CENPC: variants seen among roughly 807,000 people sequenced by gnomAD.
The protein encoded by CENPC is centromere protein C, also known as CENP-C 1.
Under a neutral mutation model 112.1 loss-of-function variants are expected in CENPC, and 63 were observed. The ratio of observed to expected loss-of-function variants is 0.56; its 90% CI spans 0.46 to 0.69. CENPC has a LOEUF of 0.69. CENPC is among the 30% of genes least tolerant of loss of function. CENPC has a pLI of 0.00. For missense variants in CENPC, 1,000 were observed against 1,103.8 expected, an observed-to-expected ratio of 0.91 and a Z score of 1.33; for synonymous variants, 333 against 367.6, an observed-to-expected ratio of 0.91 and a Z score of 1.08.
At chr4:67,507,065 T>A in intron 10 of CENPC, 131 bp from the exon 11 acceptor site, 1 of 593,196 alleles carries the variant, frequency 1.7e-6, no homozygotes, top group Non-Finnish European at 2.7e-6. Context: ...CCTGTTCAGG[T>A]TCTGAGACTT....
At chr4:67,523,000 CA>C (rs139759090) in intron 5 of CENPC, among the ~76,000 whole-genome samples, 76 of 135,852 alleles carry the variant, frequency 5.6e-4, no homozygotes, top group Non-Finnish European at 5.1e-4. Context: ...AATTCCATCT[CA>C]AAAAAAAAAA....
intron 11 of CENPC, 61 bp downstream of exon 11, chr4:67,506,727 T>A (rs1311016302): frequency 8.1e-7 from 1 of 1,231,480 alleles, no homozygotes; most frequent in Non-Finnish European, 1.1e-6. Context: ...TCTTGGGTAA[T>A]CTGTTATACA....
chr4:67,474,038 T>A (rs369841360), intron 18 of CENPC, among the ~76,000 whole-genome samples: 13 of 151,526 alleles, frequency 8.6e-5, no homozygotes, highest in African/African-American at 2.7e-4. Flanking sequence ...TCCTCTGTAA[T>A]ACAACATATC....
chr4:67,489,459 C>T (rs750321369), intron 17 of CENPC, among the ~76,000 whole-genome samples: 42 of 151,886 alleles, frequency 2.8e-4, no homozygotes, highest in Non-Finnish European at 4.6e-4. Context: ...TTTTTATAAT[C>T]TCACTCATTT....
chr4:67,473,992 T>C (rs1724738677), intron 18 of CENPC, among the ~76,000 whole-genome samples: 1 of 152,238 alleles, frequency 6.6e-6, no homozygotes, highest in Non-Finnish European at 1.5e-5. Flanking sequence ...AAAACATAAT[T>C]TCTTAGAGAT....
At chr4:67,528,259 C>T (rs1216485455) in intron 5 of CENPC, among the ~76,000 whole-genome samples, 1 of 152,024 alleles carries the variant, frequency 6.6e-6, no homozygotes, top group Non-Finnish European at 1.5e-5. Context: ...AAGTCAAAGA[C>T]CCAATACTAG....
At chr4:67,476,499 TG>T (rs1246360036) in intron 17 of CENPC, among the ~76,000 whole-genome samples, 1 of 128 alleles carries the variant, frequency 7.8e-3, no homozygotes, top group East Asian at 0.12. Context: ...GGAAGAGCCC[TG>T]TTAAGTACTC....
intron 12 of CENPC, among the ~76,000 whole-genome samples, chr4:67,496,536 T>A (rs546769871): frequency 1.3e-5 from 2 of 152,348 alleles, no homozygotes; most frequent in South Asian, 4.1e-4. Flanking sequence ...TTTTATCATA[T>A]TCTCAAATGA....
Position 67,506,828 on chromosome 4 carries a change from A to G in CENPC, c.2011T>C (p.Leu671=), listed in dbSNP as rs772328036. The change falls in exon 11 of 19, where the codon TTG becomes CTG. Residue 671 remains leucine, a synonymous_variant. Transcript: ENST00000273853. Reference sequence around the variant, plus strand: ...GAAGTCTTATGCTCTCCAGAATCCAAGTTTGACTCTGTTGGTATATTACAT... The same window carrying G: ...GAAGTCTTATGCTCTCCAGAATCCAGGTTTGACTCTGTTGGTATATTACAT... The part of the protein sequence containing the change: ...YTCNIPTESN[L]DSGEHKTSVL... The G allele has an allele frequency of 1.2e-6, 2 of 1,611,254 alleles. No individual in the cohort carries two copies. Among genetic ancestry groups the G allele is most frequent in the East Asian group, 2.2e-5 (1 of 44,750 alleles).
At chr4:67,491,474 TATATATAGAGAGAGAGAGAGAGAGAG>T (rs1176906540) in intron 16 of CENPC, among the ~76,000 whole-genome samples, 6 of 32,766 alleles carry the variant, frequency 1.8e-4, no homozygotes, top group Non-Finnish European at 3.8e-4. Context: ...TATATATATA[TATATATAGAGAGAGAGAGAGAGAGAG>T]AGAGAGAGAG....
At chr4:67,492,338 G>T in intron 15 of CENPC, 63 bp from the exon 16 acceptor site, 1 of 1,076,548 alleles carries the variant, frequency 9.3e-7, no homozygotes, top group South Asian at 1.5e-5. Flanking sequence ...ATCCCAAAAA[G>T]TTCAGTACAA....
chr4:67,476,128 C>T (rs1724798034), intron 17 of CENPC, among the ~76,000 whole-genome samples: 1 of 152,102 alleles, frequency 6.6e-6, no homozygotes, highest in Middle Eastern at 3.2e-3. Flanking sequence ...AAGTATAGCA[C>T]ATACAGGAAA....
Position 67,514,309 on chromosome 4 carries a change from A to G in CENPC, c.1209T>C (p.Tyr403=), listed in dbSNP as rs1223635982. ...TAGATGGTTTTTCTGCATTCTTGGA[A>G]TACATTTCATATTTTGTAGATCTAT... ...NNYRSTKYEM[Y]SKNAEKPSRS... Residue 403 remains tyrosine (Y), a synonymous_variant, in exon 8 of 19, where the codon TAT becomes TAC. Transcript: ENST00000273853. 6.2e-7 allele frequency: 1 copy of G among 1,610,214 alleles called. No homozygotes were observed. Among genetic ancestry groups the G allele is most frequent in the Middle Eastern group, 1.7e-4 (1 of 6,054 alleles).
chr4:67,516,873 G>A (rs1365335548), intron 7 of CENPC, among the ~76,000 whole-genome samples: 2 of 152,000 alleles, frequency 1.3e-5, no homozygotes, highest in Admixed American at 6.5e-5. Flanking sequence ...AAGAGCATAA[G>A]TGGAAGCAAT....
At chr4:67,531,678 G>C (rs1301197527) in intron 4 of CENPC, among the ~76,000 whole-genome samples, 2 of 152,196 alleles carry the variant, frequency 1.3e-5, no homozygotes, top group East Asian at 3.8e-4. Flanking sequence ...GAGAAAAAAT[G>C]TACACACGTT....
chr4:67,490,174 A>AT, intron 16 of CENPC, 53 bp from the exon 17 acceptor site: 1 of 1,244,364 alleles, frequency 8.0e-7, no homozygotes. Context: ...TTGGTTAATG[A>AT]TATAACATAT....
intron 5 of CENPC, among the ~76,000 whole-genome samples, chr4:67,521,759 T>C (rs1428128415): frequency 6.6e-6 from 1 of 152,160 alleles, no homozygotes; most frequent in African/African-American, 2.4e-5. Context: ...AGATAAAAAG[T>C]GGTATACACA....
chr4:67,490,199 TAAAG>T, intron 16 of CENPC, 78 bp from the exon 17 acceptor site: 1 of 940,356 alleles, frequency 1.1e-6, no homozygotes. Context: ...ATATATATAA[TAAAG>T]AGTCATTTCT....
rs1391384708 is a variant in CENPC at position 67,539,866 on chromosome 4, T to G, written c.205A>C (p.Thr69Pro). The change falls in exon 4 of 19, where the codon ACT becomes CCT. Residue 69 changes from threonine to proline, a missense_variant. By Grantham distance (38) the Thr-to-Pro change is conservative. Coordinates refer to ENST00000273853, the MANE Select transcript of CENPC (RefSeq NM_001812.4). ...TCTTTGCTTGGTGACTGAATACAAG[T>G]GTCTTTTATTTTGCGTGTTGAATTA... ...VPNSTRKIKD[T>P]CIQSPSKECQ... 7.8e-6 allele frequency: 12 copies of G among 1,535,188 alleles called. No individual in the cohort carries two copies. The African/African-American group carries it at 1.2e-4, about 16-fold the overall frequency.
Sources: allele counts gnomAD v4.1 joint callset (sites outside exome capture counted in the v4.1 genomes callset), GRCh38; gene constraint gnomAD v4.1.1; transcripts MANE v1.5; gene names NCBI Gene and HGNC (gene_info 2026-07-23, HGNC 2026-07-21).